The following WASHC3 variants were observed in gnomAD, a reference collection of about 807,000 sequenced individuals.
The protein encoded by WASHC3 is WASH complex subunit 3.
In WASHC3, 24 loss-of-function variants were observed where a neutral mutation model predicts 26.1. The ratio of observed to expected loss-of-function variants is 0.92; its 90% CI spans 0.66 to 1.29. The LOEUF is 1.29. Ranked by LOEUF, WASHC3 falls within the 50% of genes most tolerant of loss-of-function variation. The pLI is 0.00. For synonymous variants in WASHC3, 77 were observed against 75.7 expected (o/e 1.02, Z -0.09); for missense variants, 214 against 229.6 (o/e 0.93, Z 0.44).
rs1332336305 is a variant in WASHC3 at position 102,033,874 on chromosome 12, A to G, written c.435+5994T>C. On this transcript the variant is annotated intron_variant, in intron 5 of 6. Transcript: ENST00000240079. ...TGTACAATGGATGGTAAACTACTCA[A>G]GGTCATACTAATGGACAAATTAGAA... 5.3e-5 allele frequency among the ~76,000 whole-genome samples: 8 copies of G among 152,060 alleles called. 1 individual carries two copies. In the East Asian group the frequency reaches 1.3e-3, roughly 26 times the overall value.
intron 2 of WASHC3, among the ~76,000 whole-genome samples, chr12:102,059,391 T>C (rs1042055745): frequency 6.6e-6 from 1 of 152,202 alleles, no homozygotes; most frequent in Non-Finnish European, 1.5e-5. Context: ...TTAAACTTCA[T>C]GAGGTTTTGA....
intron 5 of WASHC3, among the ~76,000 whole-genome samples, chr12:102,031,953 A>C (rs1048516122): frequency 4.6e-5 from 7 of 152,168 alleles, no homozygotes; most frequent in Admixed American, 2.6e-4. Context: ...AGTTCTCTAA[A>C]CCATGGAAAG....
In WASHC3 at chr12:102,044,162, T is replaced by TA. The variant is rs749462374; in HGVS notation, c.266dup (p.Leu89PhefsTer13). On this transcript the variant is annotated frameshift_variant, in exon 4 of 7. Coordinates refer to ENST00000240079, the MANE Select transcript of WASHC3 (RefSeq NM_016053.4). LOFTEE classifies it high-confidence loss of function. ...CTCCATTTGTGACACTGGTGACATT[T>TA]AAAGGAGATACTTCAACTGTGACAT... The TA allele has an allele frequency of 2.5e-6, 4 of 1,610,898 alleles. No homozygotes were observed. The South Asian group carries it at 4.4e-5, about 18-fold the overall frequency.
chr12:102,014,214 A>G (rs1030925376), intron 6 of WASHC3, among the ~76,000 whole-genome samples: 1 of 150,000 alleles, frequency 6.7e-6, no homozygotes, highest in East Asian at 2.0e-4. Flanking sequence ...TCCCGAGTAG[A>G]GGTGTGTGCC....
intron 6 of WASHC3, among the ~76,000 whole-genome samples, chr12:102,013,494 C>T (rs1282748748): frequency 1.3e-5 from 2 of 152,158 alleles, no homozygotes; most frequent in Admixed American, 6.5e-5. Context: ...GAGATGTGAT[C>T]TGTAGAGGCT....
chr12:102,034,892 CT>C (rs1273572589), intron 5 of WASHC3, among the ~76,000 whole-genome samples: 1 of 151,212 alleles, frequency 6.6e-6, no homozygotes, highest in Non-Finnish European at 1.5e-5. Flanking sequence ...TGGGAAGAAA[CT>C]TGTGTATGAG....
At chr12:102,026,669 G>C (rs1186600384) in intron 5 of WASHC3, among the ~76,000 whole-genome samples, 1 of 152,122 alleles carries the variant, frequency 6.6e-6, no homozygotes, top group Non-Finnish European at 1.5e-5. Context: ...AAAACACTAA[G>C]AAAAGAATAT....
intron 2 of WASHC3, chr12:102,050,211 C>T (rs942594824): frequency 1.0e-5 from 4 of 399,722 alleles, no homozygotes; most frequent in South Asian, 5.3e-5. Flanking sequence ...CTACTTGGGG[C>T]GCTGAGGCAG....
intron 6 of WASHC3, among the ~76,000 whole-genome samples, chr12:102,014,011 A>G (rs1161615921): frequency 6.6e-6 from 1 of 151,866 alleles, no homozygotes; most frequent in Non-Finnish European, 1.5e-5. Context: ...AAGTAAATTA[A>G]GCAAGAAAAG....
At chr12:102,029,155 G>C (rs1877326773) in intron 5 of WASHC3, among the ~76,000 whole-genome samples, 1 of 152,178 alleles carries the variant, frequency 6.6e-6, no homozygotes. Flanking sequence ...TCGTTGTTTT[G>C]CTATATTCTT....
At chr12:102,026,444 T>G (rs1461180264) in intron 5 of WASHC3, among the ~76,000 whole-genome samples, 5 of 152,212 alleles carry the variant, frequency 3.3e-5, no homozygotes. Context: ...GTTCCATTCT[T>G]AAGTATAGCT....
chr12:102,029,342 A>G (rs1313812581), intron 5 of WASHC3, among the ~76,000 whole-genome samples: 1 of 152,214 alleles, frequency 6.6e-6, no homozygotes, highest in Non-Finnish European at 1.5e-5. Flanking sequence ...TGTGTCCAAC[A>G]TAAGTAATGA....
In WASHC3 at chr12:102,012,900, A is replaced by G; in HGVS notation, c.*208T>C. Reference sequence around the variant, plus strand: ...AATTGTACTTTATTTAGGTTATCCTATTTTTCATTTTGAGGCCCTTTATTT... The same window carrying G: ...AATTGTACTTTATTTAGGTTATCCTGTTTTTCATTTTGAGGCCCTTTATTT... On this transcript the variant is annotated 3_prime_UTR_variant, in exon 7 of 7. Coordinates refer to ENST00000240079, the MANE Select transcript of WASHC3 (RefSeq NM_016053.4). 1 of 425,600 alleles carries G rather than the reference A, an allele frequency of 2.3e-6. No individual in the cohort carries two copies. The highest frequency in any genetic ancestry group is 4.1e-6 in the Non-Finnish European group (1 of 241,630). The allele number at this position is 425,600 out of a possible 1,614,324, so 26.4% of individuals were successfully genotyped here. A position where few individuals can be genotyped will look rare whatever the true frequency, so the allele number is the denominator to read the frequency against.
At chr12:102,061,667 G>T (rs531438544) in intron 1 of WASHC3, among the ~76,000 whole-genome samples, 1 of 152,310 alleles carries the variant, frequency 6.6e-6, no homozygotes, top group South Asian at 2.1e-4. Context: ...GTCGCCGGCG[G>T]CAGAGAGACA....
At position 102,027,821 on chromosome 12, in the gene WASHC3, T is replaced by C. The variant is rs531555702; in HGVS notation, c.436-1783A>G. Among the ~76,000 whole-genome samples the C allele has an allele frequency of 4.6e-5, 7 of 152,266 alleles. No individual in the cohort carries two copies. In the South Asian group the frequency reaches 8.3e-4, roughly 18 times the overall value. Reference sequence around the variant, plus strand: ...ATTTGCAGGCCCATTTATATACTTATCTTGGTAACTGTTGTTTTGTCTTAT... The same window carrying C: ...ATTTGCAGGCCCATTTATATACTTACCTTGGTAACTGTTGTTTTGTCTTAT... On this transcript the variant is annotated intron_variant, in intron 5 of 6. Coordinates refer to ENST00000240079, the MANE Select transcript of WASHC3 (RefSeq NM_016053.4).
intron 6 of WASHC3, among the ~76,000 whole-genome samples, chr12:102,019,731 AAAGTTT>A (rs1411891429): frequency 2.4e-4 from 36 of 152,234 alleles, no homozygotes; most frequent in Admixed American, 4.6e-4. Context: ...AAATTTTTAA[AAAGTTT>A]AAGTTTAAGC....
In WASHC3 at chr12:102,013,184, T is replaced by G. The variant is rs780089168; in HGVS notation, c.509A>C (p.Asp170Ala). Reference protein sequence around the residue: ...GLDPDLLERPDAPVPDGESEK... With the variant: ...GLDPDLLERPAAPVPDGESEK... Reference sequence around the variant, plus strand: ...ACTTTCGCCATCAGGCACTGGAGCATCTGGCCTCCTAAAAGAAAAGAAAAA... The same window carrying G: ...ACTTTCGCCATCAGGCACTGGAGCAGCTGGCCTCCTAAAAGAAAAGAAAAA... Residue 170 changes from aspartate to alanine, a missense_variant, in exon 7 of 7, where the codon GAT (aspartate) becomes GCT (alanine). Transcript: ENST00000240079. The G allele has an allele frequency of 1.3e-6, 2 of 1,519,390 alleles. No individual in the cohort carries two copies. Among genetic ancestry groups the G allele is most frequent in the South Asian group, 2.4e-5 (2 of 82,512 alleles). 94.1% of individuals were successfully genotyped at this position (1,519,390 alleles called of 1,614,324 possible).
At chr12:102,062,035 C>G (rs889012619), upstream of WASHC3, 1 of 1,334,872 alleles carries the variant, frequency 7.5e-7, no homozygotes, top group Non-Finnish European at 1.0e-6. Flanking sequence ...ACCCGGTAAT[C>G]ACGTCTCAAC....
chr12:102,016,899 G>C (rs1027071193), intron 6 of WASHC3, among the ~76,000 whole-genome samples: 26 of 152,254 alleles, frequency 1.7e-4, no homozygotes, highest in African/African-American at 5.3e-4. Context: ...AGTAAGCTAA[G>C]GTTAATTTAT....
Sources: allele counts gnomAD v4.1 joint callset (sites outside exome capture counted in the v4.1 genomes callset), GRCh38; gene constraint gnomAD v4.1.1; transcripts MANE v1.5; gene names NCBI Gene and HGNC (gene_info 2026-07-23, HGNC 2026-07-21).